SMIM31: variants seen among roughly 807,000 people sequenced by gnomAD.
The protein encoded by SMIM31 is small integral membrane protein 31.
chr4:164,771,384 T>G (rs1414205794), intron 2 of SMIM31, among the ~76,000 whole-genome samples: 1 of 152,166 alleles, frequency 6.6e-6, no homozygotes, highest in African/African-American at 2.4e-5. Flanking sequence ...TACATAATAA[T>G]GTATTTCCCT....
chr4:164,757,821 T>G (rs1425030402), intron 1 of SMIM31, among the ~76,000 whole-genome samples: 1 of 27,404 alleles, frequency 3.6e-5, no homozygotes, highest in Non-Finnish European at 1.1e-4. Context: ...ATTACTAAAG[T>G]TTATAGTAAG....
At chr4:164,755,309 G>A (rs1388938578) in intron 1 of SMIM31, among the ~76,000 whole-genome samples, 2 of 151,088 alleles carry the variant, frequency 1.3e-5, no homozygotes, top group Non-Finnish European at 2.9e-5. Flanking sequence ...GTGAAACCCT[G>A]TCTCTACTAA....
intron 2 of SMIM31, among the ~76,000 whole-genome samples, chr4:164,787,001 G>A (rs144792671): frequency 9.2e-5 from 14 of 152,256 alleles, no homozygotes; most frequent in Middle Eastern, 3.4e-3. Flanking sequence ...GTAATTCTTT[G>A]CATAAACTAA....
At chr4:164,800,632 C>T (rs1270951025) in intron 2 of SMIM31, among the ~76,000 whole-genome samples, 3 of 152,136 alleles carry the variant, frequency 2.0e-5, no homozygotes, top group Non-Finnish European at 4.4e-5. Context: ...AGTGACAATG[C>T]CCCTCAGGCT....
intron 2 of SMIM31, among the ~76,000 whole-genome samples, chr4:164,773,542 C>A (rs1579065802): frequency 6.6e-6 from 1 of 152,250 alleles, no homozygotes; most frequent in Non-Finnish European, 1.5e-5. Flanking sequence ...CCTTATAAAA[C>A]CATCAGATCT....
At chr4:164,781,016 C>T (rs986595760) in intron 2 of SMIM31, among the ~76,000 whole-genome samples, 1 of 151,978 alleles carries the variant, frequency 6.6e-6, no homozygotes, top group African/African-American at 2.4e-5. Context: ...GCTATGTTGC[C>T]CAGGCAGGTC....
Position 164,781,026 on chromosome 4 carries a change from C to T in SMIM31, c.112+10471C>T, listed in dbSNP as rs374664967. Among the ~76,000 whole-genome samples, 177 of 152,156 alleles carry T rather than the reference C, an allele frequency of 1.2e-3. 6 individuals are homozygous for T. In the South Asian group the frequency reaches 0.034, roughly 30 times the overall value. The stretch of plus-strand genomic sequence containing the variant: ...GTCTTGCTATGTTGCCCAGGCAGGT[C>T]GCAAACTCCTGGCCTCAAGCAATTG... On this transcript the variant is annotated intron_variant, in intron 2 of 2. Coordinates refer to ENST00000507311, the MANE Select transcript of SMIM31 (RefSeq NM_001352885.1).
intron 2 of SMIM31, among the ~76,000 whole-genome samples, chr4:164,772,727 C>A (rs992679767): frequency 6.6e-6 from 1 of 151,454 alleles, no homozygotes; most frequent in Non-Finnish European, 1.5e-5. Context: ...TACAGGCGCC[C>A]GCCACCACGC....
intron 2 of SMIM31, among the ~76,000 whole-genome samples, chr4:164,779,197 C>G (rs1732915284): frequency 6.6e-6 from 1 of 152,182 alleles, no homozygotes; most frequent in Admixed American, 6.5e-5. Flanking sequence ...GTGTTCATTT[C>G]TAATTCTTCA....
chr4:164,791,187 A>G (rs7340872), intron 2 of SMIM31, among the ~76,000 whole-genome samples: 3,118 of 152,254 alleles, frequency 0.02, 78 homozygotes, highest in African/African-American at 0.07. Flanking sequence ...CTTATTCTCA[A>G]TAAATGTATT....
At chr4:164,756,965 GTAGTTA>G (rs1299658238) in intron 1 of SMIM31, among the ~76,000 whole-genome samples, 1 of 152,164 alleles carries the variant, frequency 6.6e-6, no homozygotes, top group Non-Finnish European at 1.5e-5. Context: ...AGGTCATACT[GTAGTTA>G]TAGTTTATTT....
rs1410945556 is a variant in SMIM31, at chr4:164,803,641, A to G, written c.*2447A>G. The stretch of plus-strand genomic sequence containing the variant: ...GAAACCTCCTCTCTACTAAAAATAC[A>G]AAAATTAGCCAGGCGTGGTGGTCCA... On this transcript the variant is annotated 3_prime_UTR_variant, in exon 3 of 3. Coordinates refer to ENST00000507311, the MANE Select transcript of SMIM31 (RefSeq NM_001352885.1). 1 of 151,678 alleles carries G rather than the reference A, an allele frequency of 6.6e-6. No homozygotes were observed. Among genetic ancestry groups the G allele is most frequent in the Non-Finnish European group, 1.5e-5 (1 of 67,964 alleles). The allele number at this position is 151,678 out of a possible 1,614,324, so 9.4% of individuals were successfully genotyped here.
At chr4:164,761,404 G>A (rs925914562) in intron 1 of SMIM31, among the ~76,000 whole-genome samples, 8 of 152,082 alleles carry the variant, frequency 5.3e-5, no homozygotes, top group East Asian at 1.9e-4. Context: ...GAACCTTGGC[G>A]AGGTAGTTAC....
chr4:164,779,015 C>G (rs958196712), intron 2 of SMIM31, among the ~76,000 whole-genome samples: 1 of 151,184 alleles, frequency 6.6e-6, no homozygotes, highest in Non-Finnish European at 1.5e-5. Context: ...AAAACTCCAG[C>G]GCATCAGCTA....
At chr4:164,795,517 G>A (rs111851845) in intron 2 of SMIM31, among the ~76,000 whole-genome samples, 2,618 of 123,124 alleles carry the variant, frequency 0.021, 40 homozygotes, top group Middle Eastern at 0.062. Context: ...GCGAGATCAC[G>A]CCACTGCACT....
intron 2 of SMIM31, among the ~76,000 whole-genome samples, chr4:164,777,117 A>T (rs1732888744): frequency 6.6e-6 from 1 of 152,238 alleles, no homozygotes; most frequent in Admixed American, 6.5e-5. Flanking sequence ...ACACAAATCA[A>T]TGTAGACAGG....
chr4:164,762,903 A>C lies in SMIM31; in HGVS notation c.-25-7516A>C, dbSNP rs1732671494. ...AACATGCAAAGGGGAAAACCTAAAG[A>C]TACCTGAATTCATGCTCTCCTTGGG... On this transcript the variant is annotated intron_variant, in intron 1 of 2. Transcript: ENST00000507311. Among the ~76,000 whole-genome samples the C allele has an allele frequency of 3.3e-5, 5 of 152,290 alleles. No individual in the cohort carries two copies. The South Asian group carries it at 1.0e-3, about 32-fold the overall frequency.
At chr4:164,773,819 G>A (rs1732845111) in intron 2 of SMIM31, among the ~76,000 whole-genome samples, 1 of 152,136 alleles carries the variant, frequency 6.6e-6, no homozygotes, top group Non-Finnish European at 1.5e-5. Context: ...GTGACTGTTA[G>A]TGGAGTCTTC....
intron 1 of SMIM31, among the ~76,000 whole-genome samples, chr4:164,768,191 A>G (rs967791209): frequency 6.6e-6 from 1 of 151,412 alleles, no homozygotes; most frequent in Non-Finnish European, 1.5e-5. Context: ...AACTGTTATC[A>G]TGCCATTGCT....
Sources: allele counts gnomAD v4.1 joint callset (sites outside exome capture counted in the v4.1 genomes callset), GRCh38; gene constraint gnomAD v4.1.1; transcripts MANE v1.5; gene names NCBI Gene and HGNC (gene_info 2026-07-23, HGNC 2026-07-21).